The following DHX40 variants were observed in gnomAD, a reference collection of about 807,000 sequenced individuals.
DHX40 encodes the protein probable ATP-dependent RNA helicase DHX40.
Under a neutral mutation model 89.6 loss-of-function variants are expected in DHX40, and 28 were observed. The ratio of observed to expected loss-of-function variants is 0.31; its 90% CI spans 0.23 to 0.43. DHX40 has a LOEUF of 0.43. Among genes scored for constraint, DHX40 ranks in the 20% least tolerant of loss-of-function variants. DHX40 has a pLI of 1.00. For synonymous variants in DHX40, 226 were observed against 283.6 expected (o/e 0.80, Z 2.04); for missense variants, 457 against 844.0 (o/e 0.54, Z 5.68).
rs189440556 is a variant in DHX40, at chr17:59,588,185, C to G, written c.1582+132C>G. ...TGCTTGAGGTCAGAAGTTGGAAGAC[C>G]AGCCTTACCAACATGGTAAAACCCC... On this transcript the variant is annotated intron_variant, in intron 12 of 17. Transcript: ENST00000251241. 3,416 of 993,860 alleles carry G rather than the reference C, an allele frequency of 3.4e-3. 89 individuals are homozygous for G. The African/African-American group carries it at 0.054, about 16-fold the overall frequency. 61.6% of individuals were successfully genotyped at this position (993,860 alleles called of 1,614,324 possible). A position where few individuals can be genotyped will look rare whatever the true frequency, so the allele number is the denominator to read the frequency against.
intron 10 of DHX40, among the ~76,000 whole-genome samples, chr17:59,583,458 G>A (rs866990041): frequency 0.056 from 3,914 of 69,862 alleles, 4 homozygotes; most frequent in African/African-American, 0.13. Flanking sequence ...TCAACAGGGT[G>A]TAAATTTGAA....
chr17:59,592,286 G>A (rs537270880), intron 12 of DHX40, among the ~76,000 whole-genome samples: 1 of 152,116 alleles, frequency 6.6e-6, no homozygotes, highest in South Asian at 2.1e-4. Context: ...GTAAGTTACA[G>A]TACTGTGAAA....
chr17:59,570,081 T>A (rs150579386), intron 2 of DHX40, among the ~76,000 whole-genome samples: 6,734 of 66,034 alleles, frequency 0.1, 595 homozygotes, highest in African/African-American at 0.48. Flanking sequence ...AATGTATATT[T>A]ATATATAATA....
At chr17:59,606,119 T>C (rs1192701634) in intron 17 of DHX40, among the ~76,000 whole-genome samples, 1 of 152,034 alleles carries the variant, frequency 6.6e-6, no homozygotes, top group Non-Finnish European at 1.5e-5. Context: ...TGATTTTGGC[T>C]CACTGCAGCC....
At chr17:59,576,718 T>C (rs1201233465) in intron 7 of DHX40, among the ~76,000 whole-genome samples, 2 of 152,180 alleles carry the variant, frequency 1.3e-5, no homozygotes, top group African/African-American at 4.8e-5. Flanking sequence ...TAATTTACAT[T>C]GAAACTGATA....
Position 59,587,929 on chromosome 17 carries a change from G to T in DHX40, c.1458G>T (p.Met486Ile). ...SGHVTRLGLS[M>I]VEFPLPPHLT... is the part of the protein sequence containing the mutation. ...ATGTCACCAGATTGGGTTTGTCTAT[G>T]GTGGAGTTTCCTTTGCCTCCACATC... Residue 486 changes from methionine (M) to isoleucine (I), a missense_variant, in exon 12 of 18, where the codon ATG (methionine) becomes ATT (isoleucine). Met to Ile is a conservative substitution (Grantham distance 10). Around this residue, in one of 9 missense-constraint regions of DHX40, gnomAD observed 19 missense variants for 110.3 expected, o/e 0.17. Transcript: ENST00000251241. 1.2e-6 allele frequency: 2 copies of T among 1,613,442 alleles called. No individual in the cohort carries two copies. Among genetic ancestry groups the T allele is most frequent in the Non-Finnish European group, 1.7e-6 (2 of 1,179,680 alleles).
intron 7 of DHX40, chr17:59,576,935 T>C (rs1019497590): frequency 3.3e-5 from 10 of 305,990 alleles, no homozygotes; most frequent in African/African-American, 1.6e-4. Context: ...AGTGGCGCGA[T>C]CTTGGCTCAC....
At chr17:59,598,275 C>T (rs2960217) in intron 12 of DHX40, among the ~76,000 whole-genome samples, 7 of 152,198 alleles carry the variant, frequency 4.6e-5, no homozygotes, top group South Asian at 2.1e-4. Context: ...AAATGAAACA[C>T]TATGTACATA....
chr17:59,565,914 AG>A (rs1299168280), intron 1 of DHX40, 131 bp downstream of exon 1: 7 of 750,702 alleles, frequency 9.3e-6, no homozygotes, highest in Non-Finnish European at 7.8e-6. Context: ...TGGCTTTCCA[AG>A]CCCGAGGCGA....
intron 8 of DHX40, among the ~76,000 whole-genome samples, chr17:59,578,977 A>AGT (rs201617050): frequency 0.011 from 1,424 of 131,850 alleles, 14 homozygotes; most frequent in African/African-American, 0.031. Context: ...AATATTGCAT[A>AGT]GTGTGTGTGT....
intron 14 of DHX40, among the ~76,000 whole-genome samples, chr17:59,600,853 AT>A (rs59684239): frequency 4.3e-3 from 565 of 130,794 alleles, no homozygotes; most frequent in Non-Finnish European, 5.8e-3. Context: ...TCTCAAAAAA[AT>A]TTTTTTTTTT....
chr17:59,602,613 G>A lies in DHX40; in HGVS notation c.1898G>A (p.Arg633Gln). Residue 633 changes from arginine (R) to glutamine (Q), a missense_variant, in exon 15 of 18, where the codon CGA becomes CAA. Physicochemically the swap from Arg to Gln is conservative, Grantham distance 43. Transcript: ENST00000251241. ...GCGGGCTATTTCAAAAATGTAGCTCGAAGGTAAGCAATAAAGACTTGAGAG... is the reference window on the plus strand; with the variant it reads ...GCGGGCTATTTCAAAAATGTAGCTCAAAGGTAAGCAATAAAGACTTGAGAG... The part of the protein sequence containing the change: ...LCAGYFKNVA[R>Q]RSVGRTFCTM... The A allele has an allele frequency of 1.2e-6, 2 of 1,613,264 alleles. No homozygotes were observed. Among genetic ancestry groups the A allele is most frequent in the Non-Finnish European group, 1.7e-6 (2 of 1,179,438 alleles).
chr17:59,569,837 G>A (rs1473304098), intron 2 of DHX40, among the ~76,000 whole-genome samples: 3 of 145,276 alleles, frequency 2.1e-5, no homozygotes, highest in African/African-American at 7.7e-5. Context: ...CCTGAGGTTG[G>A]GAGTACAAGA....
rs367791254 is a variant in DHX40 at position 59,577,640 on chromosome 17, A to G, written c.1073+275A>G. Among the ~76,000 whole-genome samples the G allele has an allele frequency of 1.0e-3, 156 of 151,292 alleles. 1 individual carries two copies. Among genetic ancestry groups the G allele is most frequent in the African/African-American group, 2.3e-3 (93 of 41,216 alleles). Reference sequence around the variant, plus strand: ...TTGCTGAGGCTGGAATATAGTGACTATTCACAGGCGTGCAGTCATAGCACA... The same window carrying G: ...TTGCTGAGGCTGGAATATAGTGACTGTTCACAGGCGTGCAGTCATAGCACA... On this transcript the variant is annotated intron_variant, in intron 8 of 17. Coordinates refer to ENST00000251241, the MANE Select transcript of DHX40 (RefSeq NM_024612.5).
At chr17:59,576,553 C>G (rs1378133009) in intron 7 of DHX40, among the ~76,000 whole-genome samples, 8 of 152,174 alleles carry the variant, frequency 5.3e-5, no homozygotes, top group Admixed American at 4.6e-4. Flanking sequence ...CATAGATGTG[C>G]TATTTTGGAA....
intron 3 of DHX40, among the ~76,000 whole-genome samples, chr17:59,571,824 G>C (rs1034633003): frequency 6.6e-6 from 1 of 152,006 alleles, no homozygotes; most frequent in African/African-American, 2.4e-5. Context: ...GCCCACCTCG[G>C]CCTCCCAAAG....
Position 59,568,151 on chromosome 17 carries a change from C to T in DHX40, c.280+1357C>T, listed in dbSNP as rs373275098. Among the ~76,000 whole-genome samples, 743 of 152,182 alleles carry T rather than the reference C, an allele frequency of 4.9e-3. 6 individuals are homozygous for T. The highest frequency in any genetic ancestry group is 7.8e-3 in the Non-Finnish European group (533 of 68,004). ...GCTGAGGCGGGAGAATCACTTGAACCCAGGAGGCAGAGGTTGCAGTGAGCT... is the reference window on the plus strand; with the variant it reads ...GCTGAGGCGGGAGAATCACTTGAACTCAGGAGGCAGAGGTTGCAGTGAGCT... On this transcript the variant is annotated intron_variant, in intron 2 of 17. Coordinates refer to ENST00000251241, the MANE Select transcript of DHX40 (RefSeq NM_024612.5).
At chr17:59,603,841 A>G (rs986713499) in intron 15 of DHX40, 4 of 152,328 alleles carry the variant, frequency 2.6e-5, no homozygotes, top group Middle Eastern at 3.4e-3. Flanking sequence ...TACAATGAGA[A>G]AAACACAGCA....
Position 59,569,100 on chromosome 17 carries a change from A to G in DHX40, c.281-1418A>G, listed in dbSNP as rs577444087. 2.6e-3 allele frequency among the ~76,000 whole-genome samples: 396 copies of G among 152,204 alleles called. 1 individual carries two copies. Among genetic ancestry groups the G allele is most frequent in the African/African-American group, 8.5e-3 (354 of 41,554 alleles). ...TCCCAGCACATTGGGAGGCTGAGGC[A>G]GATGGATCACTTGAGGTCAGAAGTT... On this transcript the variant is annotated intron_variant, in intron 2 of 17. Coordinates refer to ENST00000251241, the MANE Select transcript of DHX40 (RefSeq NM_024612.5).
Sources: gnomAD v4.1 joint callset for allele counts (sites outside exome capture counted in the v4.1 genomes callset) on GRCh38, gnomAD v4.1.1 for gene constraint, gnomAD v4.1.1 regional missense constraint, MANE v1.5 for transcripts, NCBI Gene and HGNC (gene_info 2026-07-23, HGNC 2026-07-21) for gene names.